SV2C: variants seen among roughly 807,000 people sequenced by gnomAD.
SV2C encodes synaptic vesicle glycoprotein 2C.
SV2C carries 49 observed loss-of-function variants against 79.7 expected under a neutral mutation model. That is an observed-to-expected ratio of 0.61 (90% CI 0.49 to 0.78). The LOEUF (loss-of-function observed/expected upper bound fraction) is 0.78. Ranked by LOEUF, SV2C falls within the 30% of genes least tolerant of loss-of-function variation. SV2C has a pLI of 0.00. For missense variants in SV2C, 833 were observed against 912.9 expected, an observed-to-expected ratio of 0.91 and a Z score of 1.13; for synonymous variants, 334 against 333.2, an observed-to-expected ratio of 1.00 and a Z score of -0.03.
intron 2 of SV2C, among the ~76,000 whole-genome samples, chr5:76,161,923 A>G (rs1312457756): frequency 6.6e-6 from 1 of 152,188 alleles, no homozygotes; most frequent in Admixed American, 6.5e-5. Context: ...CAGAAACAAT[A>G]AAGTGGTGGG....
At chr5:76,123,150 A>G (rs1452137552) in intron 1 of SV2C, among the ~76,000 whole-genome samples, 1 of 152,224 alleles carries the variant, frequency 6.6e-6, no homozygotes, top group Non-Finnish European at 1.5e-5. Context: ...ATTCGTCGAC[A>G]CATACACTCT....
chr5:76,168,282 T>C (rs1286365976), intron 2 of SV2C, among the ~76,000 whole-genome samples: 3 of 152,284 alleles, frequency 2.0e-5, no homozygotes, highest in Non-Finnish European at 4.4e-5. Flanking sequence ...CCCCGACCTC[T>C]GGGACTGAAC....
chr5:75,858,413 T>C, the SV2C span, among the ~76,000 whole-genome samples: 1 of 152,202 alleles, frequency 6.6e-6, no homozygotes, highest in Non-Finnish European at 1.5e-5. Flanking sequence ...TTTGGTTGAT[T>C]TGTGTATGTT....
chr5:76,335,414 CTT>C (rs869230352), downstream of SV2C, among the ~76,000 whole-genome samples: 1,893 of 98,072 alleles, frequency 0.019, 10 homozygotes, highest in African/African-American at 0.043. Context: ...ACACATTTTC[CTT>C]TTTTTTTTTT....
At chr5:76,178,756 C>G (rs1326751273) in intron 2 of SV2C, among the ~76,000 whole-genome samples, 3 of 152,106 alleles carry the variant, frequency 2.0e-5, no homozygotes, top group South Asian at 4.2e-4. Flanking sequence ...TCTCATGGAG[C>G]CTGCCTTTTT....
At position 76,109,557 on chromosome 5, in the gene SV2C, G is replaced by A. The variant is rs78839571; in HGVS notation, c.-101-22093G>A. ...CTCCCATACGTGTGAATGTGCCCTT[G>A]TTTGGAAGTAAGGTTTTTGCAGATG... is the stretch of plus-strand genomic sequence containing the variant. On this transcript the variant is annotated intron_variant, in intron 1 of 12. Coordinates refer to ENST00000502798, the MANE Select transcript of SV2C (RefSeq NM_014979.4). Among the ~76,000 whole-genome samples, 259 of 152,310 alleles carry A rather than the reference G, an allele frequency of 1.7e-3. 7 individuals are homozygous for A. In the East Asian group the frequency reaches 0.048, roughly 28 times the overall value.
chr5:75,991,715 C>T, the SV2C span, among the ~76,000 whole-genome samples: 1 of 150,040 alleles, frequency 6.7e-6, no homozygotes, highest in Non-Finnish European at 1.5e-5. Context: ...TATATATATG[C>T]AAAACCATCA....
At chr5:76,073,068 C>A in the SV2C span, among the ~76,000 whole-genome samples, 2 of 152,182 alleles carry the variant, frequency 1.3e-5, no homozygotes, top group East Asian at 1.9e-4. Flanking sequence ...CTGATTATTT[C>A]TTTTGCTTTG....
At chr5:75,941,766 TTTC>T in the SV2C span, among the ~76,000 whole-genome samples, 1 of 152,212 alleles carries the variant, frequency 6.6e-6, no homozygotes, top group African/African-American at 2.4e-5. Context: ...CTTTACCTCC[TTTC>T]TTTCTCCAAG....
chr5:76,081,591 GCA>G (rs1486474154), upstream of SV2C, among the ~76,000 whole-genome samples: 1 of 152,188 alleles, frequency 6.6e-6, no homozygotes, highest in East Asian at 1.9e-4. Flanking sequence ...ATGAAAATGA[GCA>G]CGTTCACTAA....
At chr5:75,852,743 G>C in the SV2C span, among the ~76,000 whole-genome samples, 1 of 149,390 alleles carries the variant, frequency 6.7e-6, no homozygotes. Context: ...GGAGAATGGC[G>C]TGAACCCAGG....
chr5:76,006,073 A>G, the SV2C span, among the ~76,000 whole-genome samples: 1 of 152,234 alleles, frequency 6.6e-6, no homozygotes, highest in South Asian at 2.1e-4. Context: ...GGAAGGGGCT[A>G]CTGCCTAAAT....
intron 2 of SV2C, among the ~76,000 whole-genome samples, chr5:76,171,977 A>G (rs1580326457): frequency 9.3e-6 from 1 of 107,012 alleles, no homozygotes. Context: ...CCCGTCCGGG[A>G]GGGAGGTGGG....
At chr5:76,046,903 T>C in the SV2C span, among the ~76,000 whole-genome samples, 1 of 152,182 alleles carries the variant, frequency 6.6e-6, no homozygotes, top group African/African-American at 2.4e-5. Context: ...TTACGGAAAT[T>C]GGGACTATTT....
At chr5:75,920,515 A>G in the SV2C span, among the ~76,000 whole-genome samples, 1 of 152,196 alleles carries the variant, frequency 6.6e-6, no homozygotes. Flanking sequence ...TAAGCGGGGA[A>G]CAGGAAGCAT....
the SV2C span, chr5:75,911,010 C>A: frequency 9.6e-7 from 1 of 1,037,630 alleles, no homozygotes; most frequent in Non-Finnish European, 1.5e-6. Flanking sequence ...ACCTCACCTA[C>A]TAGTCCCTCT....
the SV2C span, among the ~76,000 whole-genome samples, chr5:75,883,455 T>C: frequency 7.1e-6 from 1 of 141,332 alleles, no homozygotes; most frequent in Non-Finnish European, 1.5e-5. Flanking sequence ...TGTCCAACGA[T>C]AGACTGGATT....
chr5:76,335,748 A>C (rs374580744), downstream of SV2C, among the ~76,000 whole-genome samples: 2 of 150,908 alleles, frequency 1.3e-5, no homozygotes, highest in African/African-American at 2.4e-5. Flanking sequence ...GTAGGGTCAC[A>C]GATCAACAGG....
chr5:76,048,803 T>A, the SV2C span, among the ~76,000 whole-genome samples: 2 of 106,504 alleles, frequency 1.9e-5, no homozygotes, highest in Non-Finnish European at 3.4e-5. Flanking sequence ...TTTTTCAGCC[T>A]CCAGATTGTG....
Sources: gnomAD v4.1 joint callset for allele counts (sites outside exome capture counted in the v4.1 genomes callset) on GRCh38, gnomAD v4.1.1 for gene constraint, MANE v1.5 for transcripts, NCBI Gene and HGNC (gene_info 2026-07-23, HGNC 2026-07-21) for gene names.